The following NPAS4 variants were observed in gnomAD, a reference collection of about 807,000 sequenced individuals.
The protein encoded by NPAS4 is neuronal PAS domain-containing protein 4.
A neutral mutation model predicts 64.0 loss-of-function variants in NPAS4; 10 were observed. The observed-to-expected ratio is 0.16, with a 90% confidence interval of 0.10 to 0.26. The LOEUF (loss-of-function observed/expected upper bound fraction) is 0.26. Among genes scored for constraint, NPAS4 ranks in the 10% least tolerant of loss-of-function variants. The pLI is 1.00. For synonymous variants in NPAS4, 441 were observed against 411.7 expected (o/e 1.07, Z -0.86); for missense variants, 886 against 992.6 (o/e 0.89, Z 1.44).
Position 66,423,128 on chromosome 11 carries a change from T to A in NPAS4, c.704T>A (p.Leu235Gln). ...CACCCTTTCCACCTTCCCAGTGTCC[T>A]AATCTACCTGGGCTTTGAGCGCAGT... is the stretch of plus-strand genomic sequence containing the variant. Reference protein sequence around the residue: ...LALLDISESVLIYLGFERSEL... With the variant: ...LALLDISESVQIYLGFERSEL... Residue 235 changes from leucine (L) to glutamine (Q), a missense_variant, in exon 5 of 8, where the codon CTA (leucine) becomes CAA (glutamine). By Grantham distance (113) the Leu-to-Gln change is moderately radical. Around this residue, in one of 3 missense-constraint regions of NPAS4, gnomAD observed 820 missense variants for 855.5 expected, o/e 0.96. Coordinates refer to ENST00000311034, the MANE Select transcript of NPAS4 (RefSeq NM_178864.4). 6.2e-7 allele frequency: 1 copy of A among 1,605,880 alleles called. No homozygotes were observed.
the NPAS4 span, chr11:66,409,436 G>A: frequency 6.6e-6 from 1 of 151,972 alleles, no homozygotes; most frequent in African/African-American, 2.4e-5. Flanking sequence ...ATCCTCTCTG[G>A]ACAAGGCCAC....
the NPAS4 span, chr11:66,409,449 G>A: frequency 0.014 from 2,145 of 152,132 alleles, 28 homozygotes; most frequent in Non-Finnish European, 0.021. Flanking sequence ...AAGGCCACAG[G>A]GTGAAAACAC....
Position 66,424,795 on chromosome 11 carries a change from C to T in NPAS4, c.1905C>T (p.Leu635=). The change falls in exon 7 of 8, where the codon CTC becomes CTT. Residue 635 remains leucine, a synonymous_variant. Coordinates refer to ENST00000311034, the MANE Select transcript of NPAS4 (RefSeq NM_178864.4). ...AGGAGCAGAATGAGATAGACCGTCT[C>T]ATCCAGCAGATTAGCCAATTGGCTC... ...SEKEQNEIDR[L]IQQISQLAQG... 1.2e-6 allele frequency: 2 copies of T among 1,614,076 alleles called. No homozygotes were observed. The highest frequency in any genetic ancestry group is 1.7e-6 in the Non-Finnish European group (2 of 1,180,018).
chr11:66,419,972 C>T (rs918672396), upstream of NPAS4, among the ~76,000 whole-genome samples: 1 of 152,144 alleles, frequency 6.6e-6, no homozygotes, highest in African/African-American at 2.4e-5. Context: ...GGGAGCCCTC[C>T]GGAGCGGTGC....
Position 66,424,368 on chromosome 11 carries a change from C to T in NPAS4, c.1478C>T (p.Ser493Leu), listed in dbSNP as rs777170239. Residue 493 changes from serine (S) to leucine (L), a missense_variant, in exon 7 of 8, where the codon TCG (serine) becomes TTG (leucine). Coordinates refer to ENST00000311034, the MANE Select transcript of NPAS4 (RefSeq NM_178864.4). ...SPLQGQLTETSVRSYEDQLTP... is the reference protein window; with the variant it reads ...SPLQGQLTETLVRSYEDQLTP... Reference sequence around the variant, plus strand: ...CTGCAAGGCCAGTTGACTGAAACCTCGGTCAGAAGCTATGAAGACCAGTTG... The same window carrying T: ...CTGCAAGGCCAGTTGACTGAAACCTTGGTCAGAAGCTATGAAGACCAGTTG... 42 of 1,614,112 alleles carry T rather than the reference C, an allele frequency of 2.6e-5. No homozygotes were observed. Among genetic ancestry groups the T allele is most frequent in the Non-Finnish European group, 3.1e-5 (36 of 1,180,002 alleles).
chr11:66,418,420 G>A (rs982232582), upstream of NPAS4, among the ~76,000 whole-genome samples: 1 of 152,032 alleles, frequency 6.6e-6, no homozygotes, highest in Admixed American at 6.6e-5. Context: ...CTCTCCCACG[G>A]CCTGAAGCTG....
the NPAS4 span, among the ~76,000 whole-genome samples, chr11:66,413,221 T>C: frequency 2.0e-5 from 3 of 152,252 alleles, no homozygotes; most frequent in Admixed American, 2.0e-4. Context: ...GAGGAGACGA[T>C]ATTTAGGCTG....
Position 66,424,807 on chromosome 11 carries a change from T to A in NPAS4, c.1917T>A (p.Ile639=). The change falls in exon 7 of 8, where the codon ATT becomes ATA. Residue 639 remains isoleucine, a synonymous_variant. Coordinates refer to ENST00000311034, the MANE Select transcript of NPAS4 (RefSeq NM_178864.4). ...QNEIDRLIQQ[I]SQLAQGMDRP... is the part of the protein sequence containing the mutation. ...AGATAGACCGTCTCATCCAGCAGAT[T>A]AGCCAATTGGCTCAGGGCATGGACA... 1 of 1,614,018 alleles carries A rather than the reference T, an allele frequency of 6.2e-7. No individual in the cohort carries two copies. Among genetic ancestry groups the A allele is most frequent in the Non-Finnish European group, 8.5e-7 (1 of 1,179,994 alleles).
upstream of NPAS4, among the ~76,000 whole-genome samples, chr11:66,419,109 G>C (rs922604083): frequency 2.6e-5 from 4 of 152,056 alleles, no homozygotes; most frequent in Non-Finnish European, 4.4e-5. Flanking sequence ...AGAGGGGTGG[G>C]TAGGTACATT....
upstream of NPAS4, among the ~76,000 whole-genome samples, chr11:66,417,416 C>T (rs932240963): frequency 6.6e-6 from 1 of 152,092 alleles, no homozygotes; most frequent in Non-Finnish European, 1.5e-5. Context: ...CCACTTACTC[C>T]TGCAGGCCAG....
upstream of NPAS4, among the ~76,000 whole-genome samples, chr11:66,417,572 G>C (rs112904708): frequency 5.4e-3 from 816 of 152,298 alleles, 7 homozygotes; most frequent in African/African-American, 0.018. Context: ...TAGGTGGAAA[G>C]AGGTGAGCAA....
Position 66,422,793 on chromosome 11 carries a change from G to A in NPAS4, c.550G>A (p.Gly184Arg). 6.2e-7 allele frequency: 1 copy of A among 1,614,208 alleles called. No homozygotes were observed. The highest frequency in any genetic ancestry group is 8.5e-7 in the Non-Finnish European group (1 of 1,180,048). The change falls in exon 4 of 8, where the codon GGA becomes AGA. Residue 184 changes from glycine (G) to arginine (R), a missense_variant. By Grantham distance (125) the Gly-to-Arg change is moderately radical (BLOSUM62 -2). Transcript: ENST00000311034. ...HAHPPGAYWA[G>R]NPVFTAFCAP... is the part of the protein sequence containing the mutation. ...TCACCCACCTGGAGCCTACTGGGCA[G>A]GAAATCCCGTGTTCACAGCTTTCTG...
upstream of NPAS4, among the ~76,000 whole-genome samples, chr11:66,417,782 T>G (rs1046429798): frequency 1.3e-5 from 2 of 149,968 alleles, no homozygotes; most frequent in Non-Finnish European, 3.0e-5. Context: ...GGCACAAACA[T>G]AGAACTGCAC....
At chr11:66,423,805 C>T in intron 6 of NPAS4, 30 bp from the exon 7 acceptor site, 3 of 1,601,362 alleles carry the variant, frequency 1.9e-6, no homozygotes, top group Non-Finnish European at 1.7e-6. Context: ...ACGTCGGACC[C>T]TTACCAGCTG....
chr11:66,421,558 C>T (rs1385893308), intron 1 of NPAS4, among the ~76,000 whole-genome samples: 1 of 152,230 alleles, frequency 6.6e-6, no homozygotes, highest in Non-Finnish European at 1.5e-5. Flanking sequence ...AGTTAGAGAG[C>T]CTGGACGGTG....
intron 7 of NPAS4, 48 bp from the exon 8 acceptor site, chr11:66,425,913 T>C (rs1455874082): frequency 1.1e-5 from 15 of 1,425,478 alleles, no homozygotes; most frequent in Non-Finnish European, 1.4e-5. Context: ...GGATCCTCTG[T>C]GCTAATTGGT....
upstream of NPAS4, among the ~76,000 whole-genome samples, chr11:66,417,404 A>G (rs1341903187): frequency 2.6e-5 from 4 of 152,076 alleles, no homozygotes; most frequent in Non-Finnish European, 5.9e-5. Context: ...AGTGATGGAA[A>G]ACCACTTACT....
rs534742963 is a variant in NPAS4, at chr11:66,424,887, A to T, written c.1997A>T (p.Glu666Val). The T allele has an allele frequency of 2.3e-5, 37 of 1,613,314 alleles. No homozygotes were observed. The East Asian group carries it at 7.6e-4, about 33-fold the overall frequency. Residue 666 changes from glutamate to valine, a missense_variant, in exon 7 of 8, where the codon GAG (glutamate) becomes GTG (valine). Glu to Val is a moderately radical substitution (Grantham distance 121). Coordinates refer to ENST00000311034, the MANE Select transcript of NPAS4 (RefSeq NM_178864.4). ...TGGLEPLGGLEPLDSNLSLSG... is the reference protein window; with the variant it reads ...TGGLEPLGGLVPLDSNLSLSG... ...GGACTAGAGCCACTTGGAGGACTGG[A>T]GCCCCTGGACTCCAACCTGTCCCTG...
upstream of NPAS4, among the ~76,000 whole-genome samples, chr11:66,420,411 G>T (rs1259620670): frequency 2.0e-5 from 3 of 152,220 alleles, no homozygotes; most frequent in Non-Finnish European, 2.9e-5. Flanking sequence ...GCCAAGGCCC[G>T]ATTTGGGAAG....
Sources: allele counts gnomAD v4.1 joint callset (sites outside exome capture counted in the v4.1 genomes callset), GRCh38; gene constraint gnomAD v4.1.1; regional missense constraint gnomAD v4.1.1; transcripts MANE v1.5; gene names NCBI Gene and HGNC (gene_info 2026-07-23, HGNC 2026-07-21).